Variants in PPP2R5C observed in about 807,000 individuals in gnomAD.
PPP2R5C encodes protein phosphatase 2 regulatory subunit B'gamma, also known as serine/threonine-protein phosphatase 2A 56 kDa regulatory subunit gamma isoform.
In PPP2R5C, 7 loss-of-function variants were observed where a neutral mutation model predicts 68.9. The ratio of observed to expected loss-of-function variants is 0.10; its 90% CI spans 0.06 to 0.19. The LOEUF is 0.19. Ranked by LOEUF, PPP2R5C falls within the 10% of genes least tolerant of loss-of-function variation. The pLI is 1.00. For synonymous variants in PPP2R5C, 210 were observed against 222.2 expected (o/e 0.95, Z 0.49); for missense variants, 348 against 641.3 (o/e 0.54, Z 4.94).
At chr14:101,812,659 G>A (rs1437932372) in intron 1 of PPP2R5C, among the ~76,000 whole-genome samples, 6 of 152,090 alleles carry the variant, frequency 3.9e-5, no homozygotes, top group African/African-American at 9.7e-5. Flanking sequence ...TATTTGGCTC[G>A]GTAGCCTCTT....
At chr14:101,900,639 A>C (rs1391482542) in intron 8 of PPP2R5C, among the ~76,000 whole-genome samples, 3 of 152,278 alleles carry the variant, frequency 2.0e-5, no homozygotes, top group Non-Finnish European at 4.4e-5. Flanking sequence ...TGAAATCTGC[A>C]TGGATTCACA....
At position 101,879,948 on chromosome 14, in the gene PPP2R5C, G is replaced by A. The variant is rs566782367; in HGVS notation, c.295-2213G>A. ...TGTGTGGCCTTTCCTTAATAGTTGA[G>A]CTTTTAGCATCTGCTTGTTCACGTC... On this transcript the variant is annotated intron_variant, in intron 2 of 13. Transcript: ENST00000334743. The surrounding 1 kb of genome is among the most constrained non-coding windows in gnomAD (Gnocchi z 4.2). Among the ~76,000 whole-genome samples the A allele has an allele frequency of 1.1e-4, 17 of 152,224 alleles. No individual in the cohort carries two copies. The highest frequency in any genetic ancestry group is 5.9e-5 in the Non-Finnish European group (4 of 68,038).
chr14:101,763,939 T>C (rs1036140466), intron 2 of PPP2R5C, among the ~76,000 whole-genome samples: 2 of 152,264 alleles, frequency 1.3e-5, no homozygotes, highest in African/African-American at 4.8e-5. Context: ...CCTTGGCCTC[T>C]TTCTCCAATA....
At chr14:101,875,816 CT>C (rs1488679680) in intron 2 of PPP2R5C, among the ~76,000 whole-genome samples, 2 of 152,292 alleles carry the variant, frequency 1.3e-5, no homozygotes, top group Admixed American at 6.5e-5. Flanking sequence ...GAAGTTCCAT[CT>C]TTGTAATATG....
exon 1 of PPP2R5C, chr14:101,810,015 G>T (rs773696391): frequency 2.0e-5 from 32 of 1,613,926 alleles, no homozygotes; most frequent in Non-Finnish European, 2.5e-5. Flanking sequence ...TTTCCAGCCC[G>T]TGGTCCTTCT....
At chr14:101,829,687 T>G (rs113409661) in intron 1 of PPP2R5C, among the ~76,000 whole-genome samples, 1,534 of 152,288 alleles carry the variant, frequency 0.01, 32 homozygotes, top group African/African-American at 0.035. Flanking sequence ...GGTCGGTGTT[T>G]AGACAGTTTT....
chr14:101,915,732 C>A lies in PPP2R5C; in HGVS notation c.1327-2099C>A, dbSNP rs1413052506. ...ATTTCTAGGGATACAAAGATGAGAA[C>A]AAGACATAGCCCCCAGCCTCAGGGA... On this transcript the variant is annotated intron_variant, in intron 12 of 13. Transcript: ENST00000334743. The surrounding 1 kb of genome is among the most constrained non-coding windows in gnomAD (Gnocchi z 4.2). Among the ~76,000 whole-genome samples the A allele has an allele frequency of 6.6e-6, 1 of 152,216 alleles. No individual in the cohort carries two copies. The highest frequency in any genetic ancestry group is 1.9e-4 in the East Asian group (1 of 5,200).
intron 1 of PPP2R5C, chr14:101,836,229 AG>A: frequency 2.8e-6 from 2 of 702,672 alleles, no homozygotes; most frequent in Non-Finnish European, 5.2e-6. Context: ...CCTGACCTTC[AG>A]CTGTGGCCGC....
intron 2 of PPP2R5C, among the ~76,000 whole-genome samples, chr14:101,780,119 C>G (rs115063618): frequency 6.6e-6 from 1 of 152,084 alleles, no homozygotes; most frequent in Non-Finnish European, 1.5e-5. Context: ...TTTGTAAGTC[C>G]CACCTGTGGT....
exon 9 of PPP2R5C, chr14:101,901,724 G>A (rs2054943147): frequency 6.2e-7 from 1 of 1,613,320 alleles, no homozygotes; most frequent in Non-Finnish European, 8.5e-7. Flanking sequence ...TGTAGGTGGT[G>A]ATGGCACTTC....
intron 1 of PPP2R5C, 140 bp from the exon 4 acceptor site, chr14:101,856,546 T>C (rs1367043774): frequency 2.6e-6 from 2 of 760,192 alleles, no homozygotes; most frequent in Non-Finnish European, 4.3e-6. Flanking sequence ...CTTTAAGGAA[T>C]AGCCTTTGTT....
rs2040186447 is a variant in PPP2R5C at position 101,823,228 on chromosome 14, T to C, written c.94+13192T>C. Among the ~76,000 whole-genome samples the C allele has an allele frequency of 2.0e-5, 3 of 152,224 alleles. No individual in the cohort carries two copies. The South Asian group carries it at 6.2e-4, about 31-fold the overall frequency. ...CAAGCTAATAGCCTTAGCTATGGCATCCATAGTAACTAAGACACGCTGCCG... is the reference window on the plus strand; with the variant it reads ...CAAGCTAATAGCCTTAGCTATGGCACCCATAGTAACTAAGACACGCTGCCG... On this transcript the variant is annotated intron_variant, in intron 1 of 13. Transcript: ENST00000334743.
chr14:101,763,505 C>G (rs2036672726), intron 2 of PPP2R5C, among the ~76,000 whole-genome samples: 1 of 152,132 alleles, frequency 6.6e-6, no homozygotes, highest in Admixed American at 6.6e-5. Context: ...GCCTCAGCCT[C>G]CTGAGTAGCT....
At chr14:101,878,498 A>C (rs1459998194) in intron 2 of PPP2R5C, among the ~76,000 whole-genome samples, 1 of 152,226 alleles carries the variant, frequency 6.6e-6, no homozygotes, top group African/African-American at 2.4e-5. Flanking sequence ...GCTAGTAGAA[A>C]CCACCAGTTT....
At chr14:101,878,656 C>T (rs2043947739) in intron 2 of PPP2R5C, among the ~76,000 whole-genome samples, 1 of 152,158 alleles carries the variant, frequency 6.6e-6, no homozygotes, top group African/African-American at 2.4e-5. Context: ...GCAGCGGGCA[C>T]GAGACTTGGC....
chr14:101,890,962 G>A lies in PPP2R5C; in HGVS notation c.689+666G>A, dbSNP rs113194096. On this transcript the variant is annotated intron_variant, in intron 6 of 13. Transcript: ENST00000334743. ...TAATTTTTGTATTTTTAGTGGAGAT[G>A]GGGTTTCACCATGTTGCCCAGGCTG... Among the ~76,000 whole-genome samples, 101 of 151,794 alleles carry A rather than the reference G, an allele frequency of 6.7e-4. 1 individual carries two copies. Among genetic ancestry groups the A allele is most frequent in the African/African-American group, 2.1e-3 (89 of 41,422 alleles).
exon 9 of PPP2R5C, chr14:101,901,729 C>T: frequency 6.2e-7 from 1 of 1,613,380 alleles, no homozygotes; most frequent in South Asian, 1.1e-5. Flanking sequence ...GTGGTGATGG[C>T]ACTTCTCAAA....
At position 101,877,262 on chromosome 14, in the gene PPP2R5C, A is replaced by G. The variant is rs942416935; in HGVS notation, c.295-4899A>G. 1.3e-5 allele frequency among the ~76,000 whole-genome samples: 2 copies of G among 151,886 alleles called. No individual in the cohort carries two copies. The highest frequency in any genetic ancestry group is 1.5e-5 in the Non-Finnish European group (1 of 67,940). Reference sequence around the variant, plus strand: ...CCGCGCCTGGCCTTTACCCTTTCCAATGGAGGAGAAAATTGAGGCTCAGGC... The same window carrying G: ...CCGCGCCTGGCCTTTACCCTTTCCAGTGGAGGAGAAAATTGAGGCTCAGGC... On this transcript the variant is annotated intron_variant, in intron 2 of 13. Transcript: ENST00000334743. The surrounding 1 kb of genome is among the most constrained non-coding windows in gnomAD (Gnocchi z 4.2).
intron 2 of PPP2R5C, among the ~76,000 whole-genome samples, chr14:101,767,705 G>A (rs1057491894): frequency 1.4e-4 from 21 of 152,302 alleles, no homozygotes; most frequent in East Asian, 5.8e-4. Context: ...TAATTGCCAC[G>A]TCTTGGCTCC....
Sources: gnomAD v4.1 joint callset for allele counts (sites outside exome capture counted in the v4.1 genomes callset) on GRCh38, gnomAD v4.1.1 for gene constraint, Gnocchi (gnomAD v3.1) non-coding constraint, MANE v1.5 for transcripts, NCBI Gene and HGNC (gene_info 2026-07-23, HGNC 2026-07-21) for gene names.